The following VWA8 variants were observed in gnomAD, a reference collection of about 807,000 sequenced individuals.
VWA8 encodes von Willebrand factor A domain containing 8.
A neutral mutation model predicts 241.5 loss-of-function variants in VWA8; 221 were observed. The observed-to-expected ratio is 0.91, with a 90% CI of 0.82 to 1.02. VWA8 has a LOEUF of 1.02. Among genes scored for constraint, VWA8 ranks in the 50% least tolerant of loss-of-function variants. The probability of loss-of-function intolerance (pLI) is 0.00; values close to 1 mark genes in which losing one functional copy is unlikely to be tolerated. For synonymous variants in VWA8, 852 were observed against 827.1 expected (o/e 1.03, Z -0.52); for missense variants, 2,322 against 2,328.7 (o/e 1.00, Z 0.06).
intron 26 of VWA8, among the ~76,000 whole-genome samples, chr13:41,713,782 T>C (rs1054715157): frequency 6.6e-6 from 1 of 152,172 alleles, no homozygotes; most frequent in South Asian, 2.1e-4. Context: ...TTGTTCATTA[T>C]GTTTAGAAAA....
intron 37 of VWA8, among the ~76,000 whole-genome samples, chr13:41,628,984 T>C (rs984514854): frequency 1.3e-5 from 2 of 151,948 alleles, no homozygotes; most frequent in African/African-American, 4.8e-5. Context: ...GAGGTTGCAA[T>C]GAGCCATGAT....
intron 4 of VWA8, among the ~76,000 whole-genome samples, chr13:41,898,953 G>A (rs1035702119): frequency 3.9e-5 from 6 of 152,330 alleles, no homozygotes; most frequent in Non-Finnish European, 7.4e-5. Flanking sequence ...ATTCCCGCTC[G>A]CGCCTCTTCC....
chr13:41,647,672 C>A (rs186306613), intron 37 of VWA8, among the ~76,000 whole-genome samples: 148 of 152,206 alleles, frequency 9.7e-4, no homozygotes, highest in African/African-American at 3.2e-3. Flanking sequence ...ACATTATTTA[C>A]TGATAAATAT....
intron 14 of VWA8, among the ~76,000 whole-genome samples, chr13:41,822,382 G>A (rs1486189393): frequency 6.6e-6 from 1 of 152,140 alleles, no homozygotes; most frequent in East Asian, 1.9e-4. Context: ...TTAGAACCCA[G>A]AGTTATACAG....
intron 21 of VWA8, among the ~76,000 whole-genome samples, chr13:41,756,914 C>T (rs1475032531): frequency 6.6e-6 from 1 of 151,672 alleles, no homozygotes; most frequent in Admixed American, 6.6e-5. Flanking sequence ...GCAATCAAAA[C>T]AGCACAAACT....
chr13:41,584,745 C>G (rs879570747), intron 42 of VWA8, among the ~76,000 whole-genome samples: 5 of 152,126 alleles, frequency 3.3e-5, no homozygotes, highest in Admixed American at 3.3e-4. Context: ...ATTTTTCAGT[C>G]AGATGTTAAC....
chr13:41,721,523 G>C lies in VWA8; in HGVS notation c.2811C>G (p.Leu937=), dbSNP rs61756560. Reference sequence around the variant, plus strand: ...TTGGTCCATACTGTCTGAGCATCTCGAGCTCCGAGTGGGGTTTGGGGTTAT... The same window carrying C: ...TTGGTCCATACTGTCTGAGCATCTCCAGCTCCGAGTGGGGTTTGGGGTTAT... ...AVDNPKPHSE[L]EMLRQYGPNV... is the part of the protein sequence containing the mutation. The change falls in exon 25 of 45, where the codon CTC becomes CTG. Residue 937 remains leucine, a synonymous_variant. Coordinates refer to ENST00000379310, the MANE Select transcript of VWA8 (RefSeq NM_015058.2). The C allele has an allele frequency of 6.2e-7, 1 of 1,613,780 alleles. No homozygotes were observed. Among genetic ancestry groups the C allele is most frequent in the Non-Finnish European group, 8.5e-7 (1 of 1,179,812 alleles).
chr13:41,724,976 C>G (rs750566812), intron 24 of VWA8, among the ~76,000 whole-genome samples: 1 of 152,118 alleles, frequency 6.6e-6, no homozygotes. Context: ...TGTTAAGAAT[C>G]TGAAATGAGA....
rs1468944080 is a variant in VWA8, at chr13:41,685,235, C to G, written c.4139G>C (p.Ser1380Thr). ...VVGFPDLMSP[S>T]EVYSWKRPSS... ...TGGTCTCTTCCAAGAATAAACTTCA[C>G]TGGGTGACTGAAAAAAAGAAAGAGA... Residue 1380 changes from serine to threonine, a missense_variant, in exon 35 of 45, where the codon AGT becomes ACT. Ser to Thr is a moderately conservative substitution (Grantham distance 58). Transcript: ENST00000379310. The G allele has an allele frequency of 1.2e-6, 2 of 1,609,448 alleles. No homozygotes were observed. Among genetic ancestry groups the G allele is most frequent in the Non-Finnish European group, 1.7e-6 (2 of 1,178,584 alleles).
At chr13:41,834,049 T>C (rs1174231142) in intron 12 of VWA8, among the ~76,000 whole-genome samples, 1 of 152,250 alleles carries the variant, frequency 6.6e-6, no homozygotes, top group Admixed American at 6.5e-5. Flanking sequence ...AATGACTCAT[T>C]TTATTTAAAG....
At chr13:41,730,147 G>A (rs553576372) in intron 22 of VWA8, among the ~76,000 whole-genome samples, 1 of 152,106 alleles carries the variant, frequency 6.6e-6, no homozygotes, top group African/African-American at 2.4e-5. Context: ...GGATAGTGGA[G>A]AAAAGGTAGT....
chr13:41,702,560 G>A (rs928312741), intron 27 of VWA8, among the ~76,000 whole-genome samples: 2 of 152,202 alleles, frequency 1.3e-5, no homozygotes, highest in Non-Finnish European at 2.9e-5. Flanking sequence ...GGCCAGGTCT[G>A]ATCCACAGCC....
intron 12 of VWA8, among the ~76,000 whole-genome samples, chr13:41,855,371 T>G (rs1487071240): frequency 4.1e-5 from 6 of 145,060 alleles, no homozygotes; most frequent in Non-Finnish European, 4.5e-5. Context: ...TATATTAATA[T>G]TATATAAAAT....
At chr13:41,758,807 T>C (rs2045718589) in intron 21 of VWA8, among the ~76,000 whole-genome samples, 1 of 151,366 alleles carries the variant, frequency 6.6e-6, no homozygotes, top group South Asian at 2.1e-4. Flanking sequence ...GCTATAGGCT[T>C]TTTATAGATG....
At chr13:41,953,531 C>T (rs930927305) in intron 1 of VWA8, among the ~76,000 whole-genome samples, 20 of 152,186 alleles carry the variant, frequency 1.3e-4, no homozygotes, top group African/African-American at 4.8e-4. Context: ...TGAGACCAGG[C>T]ACAATGGCTG....
intron 12 of VWA8, among the ~76,000 whole-genome samples, chr13:41,838,482 C>CA (rs1871842814): frequency 6.6e-6 from 1 of 152,054 alleles, no homozygotes; most frequent in South Asian, 2.1e-4. Context: ...AGTAGAATAT[C>CA]AAAGTACATA....
intron 36 of VWA8, among the ~76,000 whole-genome samples, chr13:41,674,898 T>C (rs2045049469): frequency 6.6e-6 from 1 of 152,140 alleles, no homozygotes; most frequent in African/African-American, 2.4e-5. Context: ...AGTTAATAAG[T>C]ATTATAATTT....
rs1053730274 is a variant in VWA8, at chr13:41,778,999, G to A, written c.2278-943C>T. ...TGGGACTACAGGTGCCTGCCACCAC[G>A]CCCGGCTAATTTTTTGCATTTTTGG... On this transcript the variant is annotated intron_variant, in intron 19 of 44. Transcript: ENST00000379310. Among the ~76,000 whole-genome samples the A allele has an allele frequency of 2.0e-5, 3 of 150,332 alleles. No individual in the cohort carries two copies. In the South Asian group the frequency reaches 6.3e-4, roughly 31 times the overall value.
intron 21 of VWA8, among the ~76,000 whole-genome samples, chr13:41,744,735 A>G (rs932980482): frequency 2.6e-5 from 4 of 152,240 alleles, no homozygotes; most frequent in Admixed American, 6.5e-5. Context: ...CAAAGAGAGG[A>G]GAGCAGGTTT....
Sources: allele counts gnomAD v4.1 joint callset (sites outside exome capture counted in the v4.1 genomes callset), GRCh38; gene constraint gnomAD v4.1.1; transcripts MANE v1.5; gene names NCBI Gene and HGNC (gene_info 2026-07-23, HGNC 2026-07-21).